SETD5: variants seen among roughly 807,000 people sequenced by gnomAD.
The protein encoded by SETD5 is SET domain containing 5, also known as histone-lysine N-methyltransferase SETD5.
In SETD5, 44 loss-of-function variants were observed where a neutral mutation model predicts 153.3. The ratio of observed to expected loss-of-function variants is 0.29; its 90% CI spans 0.23 to 0.37. SETD5 has a LOEUF of 0.37. Ranked by LOEUF, SETD5 falls within the 10% of genes least tolerant of loss-of-function variation. The probability of loss-of-function intolerance (pLI) is 1.00; values close to 1 mark genes in which losing one functional copy is unlikely to be tolerated. For synonymous variants in SETD5, 716 were observed against 645.2 expected, an observed-to-expected ratio of 1.11 and a Z score of -1.66; for missense variants, 1,544 against 1,768.0, an observed-to-expected ratio of 0.87 and a Z score of 2.27.
intron 18 of SETD5, among the ~76,000 whole-genome samples, chr3:9,468,261 A>G (rs1048624877): frequency 1.3e-5 from 2 of 152,048 alleles, no homozygotes; most frequent in African/African-American, 4.8e-5. Context: ...TGTGCTTGAG[A>G]TGTTTACTTA....
chr3:9,402,890 A>C (rs182497773), intron 1 of SETD5, among the ~76,000 whole-genome samples: 1 of 152,246 alleles, frequency 6.6e-6, no homozygotes, highest in Non-Finnish European at 1.5e-5. Context: ...AGACCTCTGC[A>C]GCAGGATTTG....
At chr3:9,473,066 T>A (rs2045496919) in intron 19 of SETD5, among the ~76,000 whole-genome samples, 170 bp from the exon 20 acceptor site, 1 of 152,200 alleles carries the variant, frequency 6.6e-6, no homozygotes. Flanking sequence ...TGCTCAGATC[T>A]CTTTCATACT....
intron 1 of SETD5, among the ~76,000 whole-genome samples, chr3:9,422,402 A>G (rs944261446): frequency 6.6e-6 from 1 of 152,188 alleles, no homozygotes; most frequent in Non-Finnish European, 1.5e-5. Flanking sequence ...ATTAGAGTGT[A>G]TGTATATTTG....
chr3:9,443,165 G>T, intron 10 of SETD5, 143 bp from the exon 11 acceptor site: 2 of 625,556 alleles, frequency 3.2e-6, no homozygotes, highest in African/African-American at 1.9e-5. Flanking sequence ...TGAAATGAAG[G>T]GGTTAAATAA....
intron 9 of SETD5, 95 bp from the exon 10 acceptor site, chr3:9,442,033 C>A: frequency 1.2e-6 from 1 of 850,512 alleles, no homozygotes. Flanking sequence ...CAAAAGACTG[C>A]TGCTGCTTCT....
chr3:9,431,541 C>T (rs769303440), intron 3 of SETD5: 3 of 984,162 alleles, frequency 3.0e-6, no homozygotes, highest in Non-Finnish European at 3.6e-6. Context: ...TGTATTCAAT[C>T]AGTAACCAAT....
Position 9,475,669 on chromosome 3 carries a change from G to T in SETD5, c.3907G>T (p.Ala1303Ser), listed in dbSNP as rs377060727. ...CTCTTCCACGTCCTATTCCAGCCCC[G>T]CCCACCCTGTGTCCACAGACTCGTT... is the stretch of plus-strand genomic sequence containing the variant. The part of the protein sequence containing the change: ...SLSSTSYSSP[A>S]HPVSTDSLAP... The change falls in exon 23 of 23, where the codon GCC becomes TCC. Residue 1303 changes from alanine (A) to serine (S), a missense_variant. Coordinates refer to ENST00000402198, the MANE Select transcript of SETD5 (RefSeq NM_001080517.3). 9.9e-6 allele frequency: 16 copies of T among 1,613,518 alleles called. No individual in the cohort carries two copies. The highest frequency in any genetic ancestry group is 1.3e-5 in the African/African-American group (1 of 74,756).
chr3:9,448,618 C>T lies in SETD5; in HGVS notation c.2334C>T (p.Ser778=). Residue 778 remains serine, a synonymous_variant, in exon 16 of 23, where the codon AGC becomes AGT. Coordinates refer to ENST00000402198, the MANE Select transcript of SETD5 (RefSeq NM_001080517.3). ...RRPLLPDGTF[S]SCKKRWIKQA... ...CCCTTCTGCCTGATGGCACATTCAGCTCCTGTAAGAAGGTATGTCTGTGTT... is the reference window on the plus strand; with the variant it reads ...CCCTTCTGCCTGATGGCACATTCAGTTCCTGTAAGAAGGTATGTCTGTGTT... 6.3e-7 allele frequency: 1 copy of T among 1,590,666 alleles called. No individual in the cohort carries two copies. Among genetic ancestry groups the T allele is most frequent in the Non-Finnish European group, 8.6e-7 (1 of 1,166,646 alleles).
chr3:9,462,471 C>T (rs1411816943), intron 17 of SETD5, among the ~76,000 whole-genome samples: 5 of 151,078 alleles, frequency 3.3e-5, no homozygotes, highest in Non-Finnish European at 4.4e-5. Context: ...CCTGTAGTCC[C>T]AGCTACTCGG....
At position 9,475,508 on chromosome 3, in the gene SETD5, C is replaced by G. The variant is rs372283291; in HGVS notation, c.3746C>G (p.Thr1249Arg). The G allele has an allele frequency of 2.5e-6, 4 of 1,613,296 alleles. No homozygotes were observed. In the African/African-American group the frequency reaches 5.3e-5, roughly 22 times the overall value. Reference sequence around the variant, plus strand: ...CTCCTGCAGTGTGATAGTCCTCGGACAGAATCACAAAGCCTCCTTCAGCAG... The same window carrying G: ...CTCCTGCAGTGTGATAGTCCTCGGAGAGAATCACAAAGCCTCCTTCAGCAG... ...YQLLQCDSPR[T>R]ESQSLLQQSS... Residue 1249 changes from threonine (T) to arginine (R), a missense_variant, in exon 23 of 23, where the codon ACA becomes AGA. Transcript: ENST00000402198.
intron 7 of SETD5, among the ~76,000 whole-genome samples, chr3:9,437,551 A>G (rs200477165): frequency 2.6e-5 from 3 of 117,452 alleles, no homozygotes; most frequent in Admixed American, 8.5e-5. Flanking sequence ...GTGTGTGTGT[A>G]TAAATATATA....
chr3:9,405,401 G>T (rs1184560728), intron 1 of SETD5, among the ~76,000 whole-genome samples: 1 of 151,992 alleles, frequency 6.6e-6, no homozygotes, highest in Non-Finnish European at 1.5e-5. Flanking sequence ...ACCTTAGTGG[G>T]GGTGAAATTA....
At chr3:9,399,469 GATC>G in intron 1 of SETD5, among the ~76,000 whole-genome samples, 1 of 151,970 alleles carries the variant, frequency 6.6e-6, no homozygotes. Context: ...GTTTTCTCAG[GATC>G]ATTAGTTCTC....
chr3:9,433,380 C>T, intron 3 of SETD5: 1 of 1,289,800 alleles, frequency 7.8e-7, no homozygotes, highest in Non-Finnish European at 1.0e-6. Flanking sequence ...GGTATCCTGT[C>T]TTGGTAGTGA....
At chr3:9,473,583 G>T (rs755958266) in intron 20 of SETD5, 46 bp downstream of exon 20, 9 of 1,519,244 alleles carry the variant, frequency 5.9e-6, no homozygotes, top group Admixed American at 2.0e-5. Context: ...GGGTGGGGGG[G>T]AGTATATATC....
At chr3:9,466,385 T>C (rs2044587775) in intron 18 of SETD5, among the ~76,000 whole-genome samples, 1 of 151,994 alleles carries the variant, frequency 6.6e-6, no homozygotes, top group Non-Finnish European at 1.5e-5. Flanking sequence ...TTGTAGCATT[T>C]GGGATAACTA....
At position 9,445,965 on chromosome 3, in the gene SETD5, G is replaced by GTTTTTTTTTTTTTTTTT. The variant is rs376821559; in HGVS notation, c.1524+232_1524+248dup. 6.5e-4 allele frequency among the ~76,000 whole-genome samples: 56 copies of GTTTTTTTTTTTTTTTTT among 86,452 alleles called. 1 individual carries two copies. Among genetic ancestry groups the GTTTTTTTTTTTTTTTTT allele is most frequent in the African/African-American group, 2.5e-3 (54 of 21,370 alleles). The allele number at this position is 86,452 out of a possible 152,430, so 56.7% of individuals were successfully genotyped here. On this transcript the variant is annotated intron_variant, in intron 13 of 22. Coordinates refer to ENST00000402198, the MANE Select transcript of SETD5 (RefSeq NM_001080517.3). ...TATCTAGTGATGGTTTGAAGAGGTTGTTTTTTTTTTTTTTTTTTTTTTTAC... is the reference window on the plus strand; with the variant it reads ...TATCTAGTGATGGTTTGAAGAGGTTGTTTTTTTTTTTTTTTTTTTTTTTTTTTTTTTTTTTTTTTTAC...
rs773495612 is a variant in SETD5 at position 9,470,469 on chromosome 3, G to A, written c.2735G>A (p.Arg912Gln). Residue 912 changes from arginine (R) to glutamine (Q), a missense_variant, in exon 19 of 23, where the codon CGA becomes CAA. By Grantham distance (43) the Arg-to-Gln change is conservative (BLOSUM62 1). Coordinates refer to ENST00000402198, the MANE Select transcript of SETD5 (RefSeq NM_001080517.3). ...NTPLQFELCH[R>Q]KDLDLAKVGY... is the part of the protein sequence containing the mutation. The stretch of plus-strand genomic sequence containing the variant: ...TTTTTATTCTTTCAGCTTTGTCACC[G>A]AAAAGACCTGGATTTGGCAAAAGTA... 5.3e-5 allele frequency: 85 copies of A among 1,607,760 alleles called. No homozygotes were observed. Among genetic ancestry groups the A allele is most frequent in the Non-Finnish European group, 6.6e-5 (78 of 1,175,564 alleles).
chr3:9,403,259 A>T (rs1033711728), intron 1 of SETD5, among the ~76,000 whole-genome samples: 3 of 152,160 alleles, frequency 2.0e-5, no homozygotes, highest in Non-Finnish European at 4.4e-5. Flanking sequence ...AAGGAAAAAT[A>T]AAAAAATAAA....
Sources: allele counts gnomAD v4.1 joint callset (sites outside exome capture counted in the v4.1 genomes callset), GRCh38; gene constraint gnomAD v4.1.1; transcripts MANE v1.5; gene names NCBI Gene and HGNC (gene_info 2026-07-23, HGNC 2026-07-21).